ROBO2: variants seen among roughly 807,000 people sequenced by gnomAD.
The protein encoded by ROBO2 is roundabout guidance receptor 2, also known as roundabout homolog 2.
A neutral mutation model predicts 160.8 loss-of-function variants in ROBO2; 53 were observed. The ratio of observed to expected loss-of-function variants is 0.33; its 90% CI spans 0.26 to 0.41. ROBO2 has a LOEUF of 0.41. Ranked by LOEUF, ROBO2 falls within the 10% of genes least tolerant of loss-of-function variation. ROBO2 has a pLI of 1.00. For missense variants in ROBO2, 1,577 were observed against 1,722.4 expected (o/e 0.92, Z 1.49); for synonymous variants, 664 against 611.7 (o/e 1.09, Z -1.26).
intron 2 of ROBO2, among the ~76,000 whole-genome samples, chr3:76,055,903 C>T (rs1004997343): frequency 1.2e-4 from 19 of 152,076 alleles, no homozygotes; most frequent in African/African-American, 4.6e-4. Context: ...GGACTACAGG[C>T]ATGCACCACC....
chr3:76,825,854 G>A (rs1238311027), intron 2 of ROBO2, among the ~76,000 whole-genome samples: 1 of 151,786 alleles, frequency 6.6e-6, no homozygotes, highest in Non-Finnish European at 1.5e-5. Context: ...TCCTAAAACT[G>A]TTAACATTCG....
At chr3:77,018,212 C>T (rs1157769022) in intron 2 of ROBO2, among the ~76,000 whole-genome samples, 1 of 152,140 alleles carries the variant, frequency 6.6e-6, no homozygotes, top group Non-Finnish European at 1.5e-5. Context: ...AAGCAATTCT[C>T]CTGCCTCAGC....
At chr3:76,405,494 CA>C (rs1267560025) in intron 2 of ROBO2, among the ~76,000 whole-genome samples, 1 of 151,752 alleles carries the variant, frequency 6.6e-6, no homozygotes, top group East Asian at 1.9e-4. Context: ...AGGAAATGCA[CA>C]AATTTACGCA....
At chr3:77,231,484 A>T (rs1220899717) in intron 2 of ROBO2, among the ~76,000 whole-genome samples, 1 of 151,682 alleles carries the variant, frequency 6.6e-6, no homozygotes, top group Non-Finnish European at 1.5e-5. Flanking sequence ...AGGTCCCCTT[A>T]TCCTTTATTG....
chr3:76,391,690 T>A (rs1326479906), intron 2 of ROBO2, among the ~76,000 whole-genome samples: 4 of 152,114 alleles, frequency 2.6e-5, no homozygotes, highest in African/African-American at 9.7e-5. Context: ...TTTGTATTTT[T>A]AGTAGAGACG....
intron 2 of ROBO2, among the ~76,000 whole-genome samples, chr3:76,387,081 A>G (rs2076927107): frequency 6.6e-6 from 1 of 152,184 alleles, no homozygotes; most frequent in Non-Finnish European, 1.5e-5. Flanking sequence ...ATGTCTGGTG[A>G]CAATTGCTCT....
chr3:76,213,203 A>G (rs1013542329), intron 2 of ROBO2, among the ~76,000 whole-genome samples: 10 of 152,118 alleles, frequency 6.6e-5, no homozygotes, highest in Non-Finnish European at 1.5e-4. Context: ...CTTAAAACAA[A>G]CTCTAGAAAA....
chr3:76,280,639 C>T (rs923121372), intron 2 of ROBO2, among the ~76,000 whole-genome samples: 1 of 151,992 alleles, frequency 6.6e-6, no homozygotes, highest in Non-Finnish European at 1.5e-5. Flanking sequence ...CTTCTCTAAT[C>T]TCTCCTTAAA....
chr3:76,768,414 A>G (rs2061689526), intron 2 of ROBO2, among the ~76,000 whole-genome samples: 1 of 151,450 alleles, frequency 6.6e-6, no homozygotes, highest in Non-Finnish European at 1.5e-5. Flanking sequence ...GAGTTTTGCC[A>G]TCTTGATTTC....
At chr3:76,610,417 TG>T (rs899159526) in intron 2 of ROBO2, among the ~76,000 whole-genome samples, 5 of 152,056 alleles carry the variant, frequency 3.3e-5, no homozygotes, top group Non-Finnish European at 7.4e-5. Context: ...TGGAACGGCG[TG>T]GGGTGAGCAG....
At chr3:76,237,553 A>T (rs1023489065) in intron 2 of ROBO2, among the ~76,000 whole-genome samples, 1 of 152,174 alleles carries the variant, frequency 6.6e-6, no homozygotes, top group African/African-American at 2.4e-5. Context: ...TGACTGTTCA[A>T]TCTAGGAATG....
At chr3:76,639,907 G>C (rs1387712291) in intron 2 of ROBO2, among the ~76,000 whole-genome samples, 2 of 152,148 alleles carry the variant, frequency 1.3e-5, no homozygotes, top group Non-Finnish European at 2.9e-5. Context: ...ATCTAACTTT[G>C]AATAAGTCTG....
chr3:76,601,492 G>A lies in ROBO2; in HGVS notation c.110-496522G>A, dbSNP rs1250094784. Among the ~76,000 whole-genome samples the A allele has an allele frequency of 2.0e-5, 3 of 152,164 alleles. 1 individual carries two copies. The South Asian group carries it at 6.2e-4, about 31-fold the overall frequency. ...TCCCAAATCTCAATTCTTGACTTCT[G>A]TGCACCCGCAGGCTCAACACCACAT... On this transcript the variant is annotated intron_variant, in intron 2 of 26. Coordinates refer to the ROBO2 transcript ENST00000487694.
At chr3:77,574,552 T>G (rs1465377371) in exon 14 of ROBO2, 2 of 1,613,460 alleles carry the variant, frequency 1.2e-6, no homozygotes, top group Admixed American at 1.7e-5. Flanking sequence ...ATCGTCAGAC[T>G]TCAGGTCTGC....
At chr3:77,219,466 G>GTATATATA (rs2085462234) in intron 2 of ROBO2, among the ~76,000 whole-genome samples, 1 of 82,450 alleles carries the variant, frequency 1.2e-5, no homozygotes, top group Non-Finnish European at 2.7e-5. Context: ...ATATGTATCT[G>GTATATATA]TGTATATATA....
intron 2 of ROBO2, among the ~76,000 whole-genome samples, chr3:76,185,654 A>G (rs1362454331): frequency 2.6e-5 from 4 of 152,096 alleles, no homozygotes; most frequent in Non-Finnish European, 5.9e-5. Context: ...AGTTAATACA[A>G]TATTATTTGT....
At chr3:76,500,202 T>C (rs1364641573) in intron 2 of ROBO2, among the ~76,000 whole-genome samples, 1 of 152,144 alleles carries the variant, frequency 6.6e-6, no homozygotes, top group Non-Finnish European at 1.5e-5. Flanking sequence ...CACTGCGTCC[T>C]TGACTTCCTG....
At chr3:77,474,691 C>CACACACACACACACAT (rs1553973682) in intron 2 of ROBO2, among the ~76,000 whole-genome samples, 2 of 150,738 alleles carry the variant, frequency 1.3e-5, no homozygotes, top group African/African-American at 2.4e-5. Flanking sequence ...CACACACACA[C>CACACACACACACACAT]TCAATTTAGA....
chr3:77,141,283 GC>G (rs149819210), intron 2 of ROBO2, among the ~76,000 whole-genome samples: 11,936 of 146,966 alleles, frequency 0.081, 504 homozygotes, highest in Admixed American at 0.11. Flanking sequence ...TACATATAAA[GC>G]CCCCCCCCCT....
Sources: allele counts gnomAD v4.1 joint callset (sites outside exome capture counted in the v4.1 genomes callset), GRCh38; gene constraint gnomAD v4.1.1; transcripts MANE v1.5; gene names NCBI Gene and HGNC (gene_info 2026-07-23, HGNC 2026-07-21).